Variants in BBX observed in about 807,000 individuals in gnomAD.
BBX encodes HMG box transcription factor BBX.
In BBX, 30 loss-of-function variants were observed where a neutral mutation model predicts 100.2. The observed-to-expected ratio is 0.30, with a 90% CI of 0.22 to 0.41. The LOEUF (loss-of-function observed/expected upper bound fraction) is 0.41. BBX is among the 10% of genes least tolerant of loss of function. The pLI is 1.00. For synonymous variants in BBX, 376 were observed against 388.1 expected (o/e 0.97, Z 0.37); for missense variants, 1,023 against 1,129.8 (o/e 0.91, Z 1.35).
intron 8 of BBX, among the ~76,000 whole-genome samples, chr3:107,747,230 T>A (rs1431166542): frequency 2.8e-5 from 4 of 142,752 alleles, no homozygotes; most frequent in East Asian, 2.0e-4. Context: ...AACGTGTGAG[T>A]GTGTGTGTGT....
intron 3 of BBX, among the ~76,000 whole-genome samples, chr3:107,698,213 G>A (rs890247857): frequency 6.6e-6 from 1 of 151,690 alleles, no homozygotes; most frequent in African/African-American, 2.4e-5. Flanking sequence ...GGCCATCTTG[G>A]CTCCTCCCGC....
In BBX at chr3:107,525,517, C is replaced by T. The variant is rs574746458; in HGVS notation, c.-155-810C>T. The T allele has an allele frequency of 1.8e-3, 282 of 152,614 alleles. 5 individuals carry two copies. In the Middle Eastern group the frequency reaches 0.054, roughly 29 times the overall value. 9.5% of individuals were successfully genotyped at this position (152,614 alleles called of 1,614,324 possible). On this transcript the variant is annotated intron_variant, in intron 1 of 17. Coordinates refer to ENST00000325805, the MANE Select transcript of BBX (RefSeq NM_001142568.3). ...TATTTGCACTTCATTTTTTCTTCCCCCCTCTTTCCCAAAGCAAGATGGACT... is the reference window on the plus strand; with the variant it reads ...TATTTGCACTTCATTTTTTCTTCCCTCCTCTTTCCCAAAGCAAGATGGACT...
intron 2 of BBX, among the ~76,000 whole-genome samples, chr3:107,588,590 G>A (rs1416657058): frequency 6.6e-6 from 1 of 152,060 alleles, no homozygotes; most frequent in Non-Finnish European, 1.5e-5. Context: ...CTATAAACTG[G>A]GTGACTTTGT....
intron 2 of BBX, 53 bp downstream of exon 2, chr3:107,526,451 A>G: frequency 2.5e-6 from 1 of 398,320 alleles, no homozygotes; most frequent in Non-Finnish European, 4.4e-6. Flanking sequence ...TAGTAATGAC[A>G]TAAGGGTCTT....
chr3:107,699,351 G>A (rs2060885751), intron 3 of BBX, among the ~76,000 whole-genome samples: 1 of 151,818 alleles, frequency 6.6e-6, no homozygotes, highest in South Asian at 2.1e-4. Flanking sequence ...AATATGGGTA[G>A]AACTTTGAAA....
intron 17 of BBX, 56 bp downstream of exon 17, chr3:107,801,337 G>A (rs74949154): frequency 0.025 from 39,406 of 1,560,288 alleles, 573 homozygotes; most frequent in Middle Eastern, 0.047. Context: ...CAACCTCTTT[G>A]ATGTGATTTG....
At chr3:107,789,916 A>C in intron 14 of BBX, 40 bp downstream of exon 14, 2 of 1,440,674 alleles carry the variant, frequency 1.4e-6, no homozygotes, top group South Asian at 1.2e-5. Flanking sequence ...GTTCTTGGTC[A>C]CCTCCATTGT....
chr3:107,634,237 T>C (rs909740559), intron 2 of BBX, among the ~76,000 whole-genome samples: 1 of 152,190 alleles, frequency 6.6e-6, no homozygotes, highest in Non-Finnish European at 1.5e-5. Flanking sequence ...CATTGGATTT[T>C]TAACTTAGAC....
chr3:107,728,874 C>A lies in BBX; in HGVS notation c.515C>A (p.Ala172Asp), dbSNP rs1258806683. The A allele has an allele frequency of 6.2e-7, 1 of 1,613,912 alleles. No individual in the cohort carries two copies. Among genetic ancestry groups the A allele is most frequent in the South Asian group, 1.1e-5 (1 of 91,076 alleles). ...GTCAATCCACGAAAGAAACTTTGGGCCTTCCCATCTGACTCTTCAAGAGAC... is the reference window on the plus strand; with the variant it reads ...GTCAATCCACGAAAGAAACTTTGGGACTTCCCATCTGACTCTTCAAGAGAC... ...PTVNPRKKLWAFPSDSSRDLP... is the reference protein window; with the variant it reads ...PTVNPRKKLWDFPSDSSRDLP... Residue 172 changes from alanine (A) to aspartate (D), a missense_variant, in exon 6 of 18, where the codon GCC becomes GAC. By Grantham distance (126) the Ala-to-Asp change is moderately radical. Around this residue, in one of 9 missense-constraint regions of BBX, gnomAD observed 229 missense variants for 226.3 expected, o/e 1.01. Coordinates refer to ENST00000325805, the MANE Select transcript of BBX (RefSeq NM_001142568.3).
At chr3:107,567,698 A>T (rs2051026714) in intron 2 of BBX, among the ~76,000 whole-genome samples, 1 of 151,756 alleles carries the variant, frequency 6.6e-6, no homozygotes, top group South Asian at 2.1e-4. Context: ...TCTGAACGTA[A>T]CTCTGAATAG....
intron 7 of BBX, among the ~76,000 whole-genome samples, chr3:107,735,644 G>A (rs2063586594): frequency 6.6e-6 from 1 of 151,952 alleles, no homozygotes; most frequent in Admixed American, 6.6e-5. Flanking sequence ...AGCATCTCTA[G>A]AGGGTAGAGA....
chr3:107,561,683 C>A (rs2050511542), intron 2 of BBX, among the ~76,000 whole-genome samples: 2 of 152,124 alleles, frequency 1.3e-5, no homozygotes, highest in Non-Finnish European at 2.9e-5. Flanking sequence ...ATTATTTACT[C>A]AAAAATATGA....
chr3:107,569,390 T>A (rs1323941996), intron 2 of BBX, among the ~76,000 whole-genome samples: 3 of 152,052 alleles, frequency 2.0e-5, no homozygotes, highest in African/African-American at 4.8e-5. Flanking sequence ...TTATTTTTTA[T>A]TTTTTTAATT....
chr3:107,730,706 A>G lies in BBX; in HGVS notation c.601+1746A>G, dbSNP rs376403669. ...CAGTGTTCTCAAAAGAAAGTACAGG[A>G]AAGAAGGAAAACACCTTCCTTGCAT... On this transcript the variant is annotated intron_variant, in intron 6 of 17. Transcript: ENST00000325805. 2.0e-3 allele frequency among the ~76,000 whole-genome samples: 301 copies of G among 152,288 alleles called. 1 individual carries two copies. Among genetic ancestry groups the G allele is most frequent in the African/African-American group, 7.0e-3 (290 of 41,556 alleles).
chr3:107,729,182 T>C (rs2063157998), intron 6 of BBX, among the ~76,000 whole-genome samples: 2 of 152,160 alleles, frequency 1.3e-5, no homozygotes, highest in Non-Finnish European at 2.9e-5. Flanking sequence ...TAAATATATG[T>C]GAATTCCTGA....
At chr3:107,545,356 A>G (rs1014125757) in intron 2 of BBX, among the ~76,000 whole-genome samples, 1 of 152,244 alleles carries the variant, frequency 6.6e-6, no homozygotes, top group Admixed American at 6.5e-5. Flanking sequence ...AAAATTGGCA[A>G]TCTGTGATGA....
intron 2 of BBX, among the ~76,000 whole-genome samples, chr3:107,636,865 A>G (rs763865082): frequency 1.4e-4 from 21 of 152,248 alleles, no homozygotes; most frequent in Non-Finnish European, 2.6e-4. Context: ...TTTATATCGT[A>G]AAGAGGTTGT....
chr3:107,618,681 T>C (rs1698331), intron 2 of BBX, among the ~76,000 whole-genome samples: 139,894 of 152,062 alleles, frequency 0.92, 64,548 homozygotes, highest in East Asian at 1. Flanking sequence ...TTAGTTTCCA[T>C]GTGTTGGGGT....
chr3:107,668,378 G>A (rs1377565162), intron 3 of BBX, among the ~76,000 whole-genome samples: 1 of 152,118 alleles, frequency 6.6e-6, no homozygotes, highest in African/African-American at 2.4e-5. Context: ...ATTCTTGGCT[G>A]CCCTTTTCAT....
Sources: allele counts gnomAD v4.1 joint callset (sites outside exome capture counted in the v4.1 genomes callset), GRCh38; gene constraint gnomAD v4.1.1; regional missense constraint gnomAD v4.1.1; transcripts MANE v1.5; gene names NCBI Gene and HGNC (gene_info 2026-07-23, HGNC 2026-07-21).